GRHL2: variants seen among roughly 807,000 people sequenced by gnomAD.
GRHL2 encodes the protein grainyhead like transcription factor 2.
In GRHL2, 21 loss-of-function variants were observed where a neutral mutation model predicts 83.8. That is an observed-to-expected ratio of 0.25 (90% CI 0.18 to 0.36). The LOEUF is 0.36. Among genes scored for constraint, GRHL2 ranks in the 10% least tolerant of loss-of-function variants. GRHL2 has a pLI of 1.00. For synonymous variants in GRHL2, 280 were observed against 278.9 expected, an observed-to-expected ratio of 1.00 and a Z score of -0.04; for missense variants, 623 against 781.8, an observed-to-expected ratio of 0.80 and a Z score of 2.42.
chr8:101,651,320 G>A (rs1289105659), intron 14 of GRHL2, among the ~76,000 whole-genome samples: 1 of 152,204 alleles, frequency 6.6e-6, no homozygotes, highest in Non-Finnish European at 1.5e-5. Context: ...CATATTCTCT[G>A]ACTTCAACTC....
rs564886603 is a variant in GRHL2, at chr8:101,544,628, G to A, written c.216+1192G>A. 3.3e-5 allele frequency among the ~76,000 whole-genome samples: 5 copies of A among 152,302 alleles called. No homozygotes were observed. In the East Asian group the frequency reaches 7.7e-4, roughly 24 times the overall value. ...GCTGATGCTGGGAATTGGCACAAATGTGAGGATGGCTGTGTTTATTTTGCT... is the reference window on the plus strand; with the variant it reads ...GCTGATGCTGGGAATTGGCACAAATATGAGGATGGCTGTGTTTATTTTGCT... On this transcript the variant is annotated intron_variant, in intron 2 of 15. Transcript: ENST00000646743.
intron 14 of GRHL2, among the ~76,000 whole-genome samples, chr8:101,653,939 G>A (rs570175995): frequency 6.6e-6 from 1 of 152,268 alleles, no homozygotes; most frequent in Admixed American, 6.5e-5. Context: ...CTGCCCTAAG[G>A]TCCTACATGC....
At chr8:101,559,739 G>A (rs919160678) in intron 4 of GRHL2, among the ~76,000 whole-genome samples, 1 of 152,110 alleles carries the variant, frequency 6.6e-6, no homozygotes, top group Non-Finnish European at 1.5e-5. Context: ...GCACAGTTGA[G>A]AATTTTGGTA....
chr8:101,509,107 CTCCT>C (rs4002326), intron 1 of GRHL2, among the ~76,000 whole-genome samples: 1,983 of 92,576 alleles, frequency 0.021, 178 homozygotes, highest in East Asian at 0.073. Flanking sequence ...CTTTCTTTCT[CTCCT>C]TCCTTCCTTC....
chr8:101,559,567 A>T (rs1811564849), intron 4 of GRHL2, among the ~76,000 whole-genome samples: 1 of 151,926 alleles, frequency 6.6e-6, no homozygotes, highest in Non-Finnish European at 1.5e-5. Flanking sequence ...ACTTTAAAAA[A>T]CCTTGTCTGA....
chr8:101,561,619 C>T (rs1162319840), intron 4 of GRHL2, among the ~76,000 whole-genome samples: 2 of 152,200 alleles, frequency 1.3e-5, no homozygotes, highest in African/African-American at 2.4e-5. Context: ...CCTTCTATAA[C>T]ATTAATAAAG....
At chr8:101,657,274 A>C (rs1266742745) in intron 14 of GRHL2, among the ~76,000 whole-genome samples, 1 of 152,200 alleles carries the variant, frequency 6.6e-6, no homozygotes, top group Non-Finnish European at 1.5e-5. Context: ...GTTCTGTTGT[A>C]TGCCTCTGGA....
At chr8:101,677,212 CAAT>C in the GRHL2 span, among the ~76,000 whole-genome samples, 6 of 150,732 alleles carry the variant, frequency 4.0e-5, no homozygotes, top group East Asian at 2.0e-4. Flanking sequence ...TAAATAATAA[CAAT>C]AATAATAATA....
In GRHL2 at chr8:101,492,679, C is replaced by T; in HGVS notation, c.-91C>T. On this transcript the variant is annotated 5_prime_UTR_variant, in exon 1 of 16. Coordinates refer to ENST00000646743, the MANE Select transcript of GRHL2 (RefSeq NM_024915.4). The stretch of plus-strand genomic sequence containing the variant: ...CTCTTGTTCTGCCATCTCGGGCGCT[C>T]TCACACACCTTCACCTGCACAGACT... 2 of 1,143,898 alleles carry T rather than the reference C, an allele frequency of 1.7e-6. No individual in the cohort carries two copies. Among genetic ancestry groups the T allele is most frequent in the East Asian group, 2.3e-5 (1 of 42,860 alleles). 70.9% of individuals were successfully genotyped at this position (1,143,898 alleles called of 1,614,324 possible).
At chr8:101,543,599 C>G (rs1176403106) in intron 2 of GRHL2, 163 bp downstream of exon 2, 2 of 709,582 alleles carry the variant, frequency 2.8e-6, no homozygotes, top group Non-Finnish European at 2.5e-6. Context: ...CCTGCTTCCC[C>G]ATCTACAAAG....
At chr8:101,514,709 C>T (rs944974538) in intron 1 of GRHL2, among the ~76,000 whole-genome samples, 1 of 152,156 alleles carries the variant, frequency 6.6e-6, no homozygotes, top group Non-Finnish European at 1.5e-5. Flanking sequence ...CCTAACAACT[C>T]GAGCTTTCTG....
intron 6 of GRHL2, among the ~76,000 whole-genome samples, chr8:101,576,093 C>A (rs1284383370): frequency 6.6e-6 from 1 of 152,238 alleles, no homozygotes; most frequent in Admixed American, 6.5e-5. Flanking sequence ...GAATGGCAGA[C>A]ACTGTTTCTG....
rs773217790 is a variant in GRHL2, at chr8:101,653,680, C to T, written c.1698+4181C>T. Reference sequence around the variant, plus strand: ...TCACTTGAACACAGGAGGCGGAGTTCGCAGTGAGCTGAGATTGTGCCACCA... The same window carrying T: ...TCACTTGAACACAGGAGGCGGAGTTTGCAGTGAGCTGAGATTGTGCCACCA... On this transcript the variant is annotated intron_variant, in intron 14 of 15. Transcript: ENST00000646743. Among the ~76,000 whole-genome samples the T allele has an allele frequency of 5.9e-5, 9 of 151,800 alleles. No homozygotes were observed. In the South Asian group the frequency reaches 6.2e-4, roughly 10 times the overall value.
intron 8 of GRHL2, among the ~76,000 whole-genome samples, chr8:101,618,519 C>T (rs912959989): frequency 6.6e-6 from 1 of 152,018 alleles, no homozygotes; most frequent in African/African-American, 2.4e-5. Context: ...TACATTTTGT[C>T]CTGCAGGGAG....
In GRHL2 at chr8:101,558,695, T is replaced by C. The variant is rs1811538862; in HGVS notation, c.561T>C (p.Phe187=). Residue 187 remains phenylalanine (F), a synonymous_variant, in exon 4 of 16, where the codon TTT becomes TTC. Transcript: ENST00000646743. The part of the protein sequence containing the change: ...GDGEEQRVVI[F]EQTQYDVPSL... ...GGGAAGAGCAACGAGTGGTTATCTTTGAACAGACTCAGTATGACGTGCCCT... is the reference window on the plus strand; with the variant it reads ...GGGAAGAGCAACGAGTGGTTATCTTCGAACAGACTCAGTATGACGTGCCCT... 1 of 1,614,028 alleles carries C rather than the reference T, an allele frequency of 6.2e-7. No individual in the cohort carries two copies.
chr8:101,675,208 G>T, the GRHL2 span, among the ~76,000 whole-genome samples: 2 of 152,090 alleles, frequency 1.3e-5, no homozygotes, highest in African/African-American at 4.8e-5. Context: ...GTTCTGGCCA[G>T]GGCAATTAGG....
chr8:101,594,862 A>G (rs1327490247), intron 7 of GRHL2, among the ~76,000 whole-genome samples: 1 of 152,226 alleles, frequency 6.6e-6, no homozygotes, highest in African/African-American at 2.4e-5. Flanking sequence ...TTGCCCTCAT[A>G]TAACATATAT....
At chr8:101,573,552 C>G (rs541120929) in intron 5 of GRHL2, 116 bp from the exon 6 acceptor site, 1 of 1,286,148 alleles carries the variant, frequency 7.8e-7, no homozygotes, top group African/African-American at 1.5e-5. Context: ...TGTGTTTTGT[C>G]TCTAAAACAG....
At chr8:101,610,427 G>A (rs1812724967) in intron 8 of GRHL2, among the ~76,000 whole-genome samples, 1 of 150,786 alleles carries the variant, frequency 6.6e-6, no homozygotes, top group South Asian at 2.1e-4. Flanking sequence ...TGCTAAGGAG[G>A]CCACCCAGGC....
Sources: allele counts gnomAD v4.1 joint callset (sites outside exome capture counted in the v4.1 genomes callset), GRCh38; gene constraint gnomAD v4.1.1; transcripts MANE v1.5; gene names NCBI Gene and HGNC (gene_info 2026-07-23, HGNC 2026-07-21).